ZNF33B: variants seen among roughly 807,000 people sequenced by gnomAD.
ZNF33B encodes zinc finger protein 11b (KOX 2).
In ZNF33B, 29 loss-of-function variants were observed where a neutral mutation model predicts 45.8. The observed-to-expected ratio is 0.63, with a 90% CI of 0.47 to 0.86. The LOEUF (loss-of-function observed/expected upper bound fraction) is 0.86, where lower values mean the gene tolerates loss of function less well. Ranked by LOEUF, ZNF33B falls within the 40% of genes least tolerant of loss-of-function variation. The pLI is 0.00. For synonymous variants in ZNF33B, 305 were observed against 307.8 expected (o/e 0.99, Z 0.10); for missense variants, 831 against 909.9 (o/e 0.91, Z 1.12).
At chr10:42,575,573 T>G (rs932021320) in intron 1 of ZNF33B, among the ~76,000 whole-genome samples, 1 of 152,082 alleles carries the variant, frequency 6.6e-6, no homozygotes, top group African/African-American at 2.4e-5. Flanking sequence ...ATTTCTTTCA[T>G]GTATGCCCCT....
rs1024149545 is a variant in ZNF33B, at chr10:42,638,325, C to G, written c.-45+149G>C. ...GCCTTAGAGGAACTGGCGTAGCGTC[C>G]TGGTAGACATGCTGCAGCCCCGCCG... is the stretch of plus-strand genomic sequence containing the variant. On this transcript the variant is annotated intron_variant, in intron 1 of 4. Coordinates refer to ENST00000359467, the MANE Select transcript of ZNF33B (RefSeq NM_006955.3). 40 of 306,610 alleles carry G rather than the reference C, an allele frequency of 1.3e-4. 1 individual carries two copies. Among genetic ancestry groups the G allele is most frequent in the South Asian group, 2.6e-4 (9 of 35,204 alleles). 19.0% of individuals were successfully genotyped at this position (306,610 alleles called of 1,614,324 possible).
chr10:42,621,538 G>C (rs1268737319), intron 4 of ZNF33B, among the ~76,000 whole-genome samples: 3 of 149,086 alleles, frequency 2.0e-5, no homozygotes, highest in Admixed American at 6.7e-5. Context: ...GAAAATCAAT[G>C]TTTTTAAAAA....
intron 2 of ZNF33B, among the ~76,000 whole-genome samples, chr10:42,634,358 G>T (rs763501193): frequency 1.7e-4 from 26 of 152,108 alleles, no homozygotes; most frequent in Admixed American, 5.9e-4. Context: ...AGTGAGCTAA[G>T]ATCGCACCAC....
At chr10:42,607,390 G>A (rs1589042139) in intron 4 of ZNF33B, among the ~76,000 whole-genome samples, 1 of 152,062 alleles carries the variant, frequency 6.6e-6, no homozygotes, top group South Asian at 2.1e-4. Context: ...TGGAGGGGTG[G>A]GGAGGTGGGT....
At position 42,632,413 on chromosome 10, in the gene ZNF33B, TA is replaced by T. The variant is rs1564528824; in HGVS notation, c.35del (p.Val12AspfsTer6). On this transcript the variant is annotated frameshift_variant, in exon 3 of 5. Coordinates refer to ENST00000359467, the MANE Select transcript of ZNF33B (RefSeq NM_006955.3). LOFTEE classifies it high-confidence loss of function. ...NKVDQKFQGSVSFKDVTVGFT... is the reference protein window; with the variant it reads ...NKVDQKFQGSXSFKDVTVGFT... The stretch of plus-strand genomic sequence containing the variant: ...AGCCCACAGTCACATCTTTAAATGA[TA>T]CTGACCCCTGGAACTTCTGATCTAC... The T allele has an allele frequency of 1.2e-6, 2 of 1,613,614 alleles. No homozygotes were observed. The highest frequency in any genetic ancestry group is 2.7e-5 in the African/African-American group (2 of 74,990).
rs189474664 is a variant in ZNF33B at position 42,627,202 on chromosome 10, C to A, written c.250+4727G>T. Reference sequence around the variant, plus strand: ...TATTTTTAGAAGAGACGGAGTTTCACCATGTTGGCCAGGGTGGTTGCAAAC... The same window carrying A: ...TATTTTTAGAAGAGACGGAGTTTCAACATGTTGGCCAGGGTGGTTGCAAAC... On this transcript the variant is annotated intron_variant, in intron 4 of 4. Transcript: ENST00000359467. Among the ~76,000 whole-genome samples, 4 of 152,238 alleles carry A rather than the reference C, an allele frequency of 2.6e-5. No homozygotes were observed. In the East Asian group the frequency reaches 5.8e-4, roughly 22 times the overall value.
intron 2 of ZNF33B, among the ~76,000 whole-genome samples, chr10:42,634,749 C>T (rs1164242606): frequency 6.6e-6 from 1 of 152,166 alleles, no homozygotes; most frequent in Non-Finnish European, 1.5e-5. Context: ...ATCTGACATC[C>T]ACCTCATACA....
Position 42,638,485 on chromosome 10 carries a change from T to C in ZNF33B, c.-56A>G. 1 of 460,098 alleles carries C rather than the reference T, an allele frequency of 2.2e-6. No homozygotes were observed. Among genetic ancestry groups the C allele is most frequent in the South Asian group, 1.6e-5 (1 of 63,918 alleles). 28.5% of individuals were successfully genotyped at this position (460,098 alleles called of 1,614,324 possible). On this transcript the variant is annotated 5_prime_UTR_variant, in exon 1 of 5. Coordinates refer to ENST00000359467, the MANE Select transcript of ZNF33B (RefSeq NM_006955.3). ...CCGCGGAGGCTTACCTCACTCTCTC[T>C]TCGGGTTGCATTCGCCATAAGAGAG... is the stretch of plus-strand genomic sequence containing the variant.
chr10:42,601,193 T>C lies in ZNF33B; in HGVS notation c.251-6494A>G, dbSNP rs182390249. On this transcript the variant is annotated intron_variant, in intron 4 of 4. Transcript: ENST00000359467. ...TTGTTCCTCCATAAAACATGTCCTT[T>C]ATCTCTGGCTGCTTTGAGGACTTCA... 2.0e-3 allele frequency among the ~76,000 whole-genome samples: 306 copies of C among 152,336 alleles called. 1 individual carries two copies. Among genetic ancestry groups the C allele is most frequent in the Middle Eastern group, 0.01 (3 of 294 alleles).
intron 4 of ZNF33B, among the ~76,000 whole-genome samples, chr10:42,609,280 G>C (rs1031635351): frequency 6.6e-6 from 1 of 152,082 alleles, no homozygotes; most frequent in Non-Finnish European, 1.5e-5. Flanking sequence ...TTAGCTGCAT[G>C]TGGTGGCATA....
At chr10:42,606,901 T>C (rs1349452559) in intron 4 of ZNF33B, among the ~76,000 whole-genome samples, 1 of 152,200 alleles carries the variant, frequency 6.6e-6, no homozygotes. Flanking sequence ...TTTAGAGTTT[T>C]TTCCAAATTT....
intron 3 of ZNF33B, 115 bp from the exon 4 acceptor site, chr10:42,632,139 G>C (rs1189684738): frequency 3.5e-5 from 51 of 1,471,370 alleles, no homozygotes; most frequent in Non-Finnish European, 4.2e-5. Flanking sequence ...TTTCACTGGA[G>C]AGGTGAACAC....
chr10:42,588,444 T>C (rs905968011), downstream of ZNF33B, among the ~76,000 whole-genome samples: 1 of 152,240 alleles, frequency 6.6e-6, no homozygotes, highest in African/African-American at 2.4e-5. Context: ...TAGACGACCC[T>C]GGCTTTGGAT....
downstream of ZNF33B, among the ~76,000 whole-genome samples, chr10:42,584,712 G>A (rs373396939): frequency 1.3e-5 from 2 of 152,224 alleles, no homozygotes; most frequent in African/African-American, 4.8e-5. Context: ...GTAGAGACAG[G>A]GTTTTACCAT....
At chr10:42,576,641 G>T (rs1836752727) in intron 1 of ZNF33B, among the ~76,000 whole-genome samples, 1 of 152,134 alleles carries the variant, frequency 6.6e-6, no homozygotes, top group African/African-American at 2.4e-5. Flanking sequence ...CCTGTAAAGT[G>T]TGAATTCTGA....
At chr10:42,596,999 G>C (rs1837427496) in intron 4 of ZNF33B, among the ~76,000 whole-genome samples, 1 of 149,812 alleles carries the variant, frequency 6.7e-6, no homozygotes, top group Admixed American at 6.8e-5. Flanking sequence ...TTCTGATATT[G>C]GAAAGAAATC....
At chr10:42,637,793 C>T in intron 1 of ZNF33B, among the ~76,000 whole-genome samples, 1 of 152,122 alleles carries the variant, frequency 6.6e-6, no homozygotes, top group East Asian at 1.9e-4. Context: ...GCTGGGATTA[C>T]AGTCATAGGC....
chr10:42,594,835 G>C, intron 4 of ZNF33B, 136 bp from the exon 5 acceptor site: 6 of 1,014,596 alleles, frequency 5.9e-6, no homozygotes, highest in Non-Finnish European at 8.0e-6. Context: ...ATAATTGCAA[G>C]TGCATATTTT....
chr10:42,612,213 G>A (rs1158567203), intron 4 of ZNF33B, among the ~76,000 whole-genome samples: 2 of 148,864 alleles, frequency 1.3e-5, no homozygotes, highest in African/African-American at 2.5e-5. Context: ...GCCTGTTGAC[G>A]TGGCAGGTTA....
Sources: gnomAD v4.1 joint callset for allele counts (sites outside exome capture counted in the v4.1 genomes callset) on GRCh38, gnomAD v4.1.1 for gene constraint, MANE v1.5 for transcripts, NCBI Gene and HGNC (gene_info 2026-07-23, HGNC 2026-07-21) for gene names.